The following RBPJ variants were observed in gnomAD, a reference collection of about 807,000 sequenced individuals.
The protein encoded by RBPJ is recombining binding protein suppressor of hairless.
A neutral mutation model predicts 67.8 loss-of-function variants in RBPJ; 9 were observed. The ratio of observed to expected loss-of-function variants is 0.13; its 90% CI spans 0.08 to 0.23. The LOEUF (loss-of-function observed/expected upper bound fraction) is 0.23, where lower values mean the gene tolerates loss of function less well. RBPJ is among the 10% of genes least tolerant of loss of function. RBPJ has a pLI of 1.00. For synonymous variants in RBPJ, 198 were observed against 203.3 expected (o/e 0.97, Z 0.22); for missense variants, 305 against 595.6 (o/e 0.51, Z 5.08).
intron 1 of RBPJ, among the ~76,000 whole-genome samples, chr4:26,244,121 A>C (rs1443219230): frequency 6.7e-6 from 1 of 149,206 alleles, no homozygotes; most frequent in African/African-American, 2.5e-5. Flanking sequence ...AGAAAAAGAA[A>C]CTTTAAAATG....
chr4:26,320,889 C>T, upstream of RBPJ: 1 of 1,577,362 alleles, frequency 6.3e-7, no homozygotes, highest in Non-Finnish European at 8.6e-7. Context: ...CTCTTCGCGG[C>T]GGCGGCGAGG....
At chr4:26,160,169 C>T (rs974756913), upstream of RBPJ, among the ~76,000 whole-genome samples, 17 of 152,182 alleles carry the variant, frequency 1.1e-4, no homozygotes, top group African/African-American at 3.4e-4. Context: ...CTGCCCGCCT[C>T]GGCCTCCCAA....
At chr4:26,141,774 C>T in the RBPJ span, among the ~76,000 whole-genome samples, 1 of 152,152 alleles carries the variant, frequency 6.6e-6, no homozygotes, top group Non-Finnish European at 1.5e-5. Flanking sequence ...ATTTTGCGTT[C>T]ATTCACCAAC....
intron 2 of RBPJ, among the ~76,000 whole-genome samples, chr4:26,400,271 A>G (rs1338089893): frequency 6.6e-6 from 1 of 152,098 alleles, no homozygotes; most frequent in Admixed American, 6.6e-5. Context: ...CTTTCTTGAC[A>G]TTTGGCACCA....
chr4:26,259,555 C>T (rs113280470), intron 1 of RBPJ, among the ~76,000 whole-genome samples: 265 of 152,306 alleles, frequency 1.7e-3, no homozygotes, highest in South Asian at 0.011. Flanking sequence ...AGAAATGCTG[C>T]GGGATCTCAA....
At chr4:26,175,716 T>C (rs1438905692) in intron 1 of RBPJ, among the ~76,000 whole-genome samples, 1 of 152,210 alleles carries the variant, frequency 6.6e-6, no homozygotes, top group Non-Finnish European at 1.5e-5. Flanking sequence ...ACACAGCGTA[T>C]TCAAGCACAC....
chr4:26,127,088 G>A, the RBPJ span, among the ~76,000 whole-genome samples: 40,329 of 152,010 alleles, frequency 0.27, 5,736 homozygotes, highest in Non-Finnish European at 0.31. Context: ...CCCTGGGAAG[G>A]GTGCATGATC....
At chr4:26,192,755 G>T (rs1222627899) in intron 1 of RBPJ, among the ~76,000 whole-genome samples, 1 of 152,138 alleles carries the variant, frequency 6.6e-6, no homozygotes, top group Non-Finnish European at 1.5e-5. Context: ...TGCCATGTAA[G>T]CCCATTTCTT....
chr4:26,242,962 C>A (rs1027991089), intron 1 of RBPJ, among the ~76,000 whole-genome samples: 2 of 152,156 alleles, frequency 1.3e-5, no homozygotes, highest in Non-Finnish European at 2.9e-5. Context: ...CGCGGTGGCT[C>A]ATGCCTGTAA....
chr4:26,381,368 A>G (rs192053639), intron 1 of RBPJ, among the ~76,000 whole-genome samples: 1 of 152,138 alleles, frequency 6.6e-6, no homozygotes, highest in East Asian at 1.9e-4. Flanking sequence ...GGATTGGAGG[A>G]TATGTGGGAA....
the RBPJ span, among the ~76,000 whole-genome samples, chr4:26,152,409 C>T: frequency 2.6e-5 from 4 of 152,222 alleles, no homozygotes; most frequent in Non-Finnish European, 4.4e-5. Context: ...GCCACTGATG[C>T]TTTCAGATTG....
intron 1 of RBPJ, among the ~76,000 whole-genome samples, chr4:26,252,508 C>T (rs1720148214): frequency 6.6e-6 from 1 of 152,066 alleles, no homozygotes; most frequent in South Asian, 2.1e-4. Flanking sequence ...ATCGCCTGAG[C>T]CTCAGAGGTC....
chr4:26,418,874 G>A (rs540223780), intron 4 of RBPJ, among the ~76,000 whole-genome samples: 9 of 152,282 alleles, frequency 5.9e-5, no homozygotes, highest in Admixed American at 2.6e-4. Flanking sequence ...TTAAGAGTAT[G>A]GCCGACCTAT....
At chr4:26,380,333 G>C (rs926103518) in intron 1 of RBPJ, among the ~76,000 whole-genome samples, 1 of 152,138 alleles carries the variant, frequency 6.6e-6, no homozygotes, top group African/African-American at 2.4e-5. Context: ...GGTCCATAAG[G>C]AGATAGATTT....
intron 1 of RBPJ, among the ~76,000 whole-genome samples, chr4:26,271,093 A>T (rs1560238335): frequency 6.6e-6 from 1 of 151,984 alleles, no homozygotes; most frequent in Non-Finnish European, 1.5e-5. Context: ...TGCTTTAGAG[A>T]TGGGGTCTCA....
intron 1 of RBPJ, among the ~76,000 whole-genome samples, chr4:26,331,048 A>G (rs1018889212): frequency 6.6e-6 from 1 of 152,156 alleles, no homozygotes; most frequent in Non-Finnish European, 1.5e-5. Context: ...AATGGCTGAG[A>G]CACATTCAGT....
Position 26,246,399 on chromosome 4 carries a change from T to A in RBPJ, c.-167+82785T>A, listed in dbSNP as rs543915415. Among the ~76,000 whole-genome samples the A allele has an allele frequency of 1.6e-4, 25 of 152,336 alleles. 1 individual carries two copies. The highest frequency in any genetic ancestry group is 6.8e-3 in the Middle Eastern group (2 of 294). ...TAGAAATTTGACTTTGGTATATTGA[T>A]CCCCATAACATTTAAGAATGTAAGG... is the stretch of plus-strand genomic sequence containing the variant. On this transcript the variant is annotated intron_variant, in intron 1 of 4. Coordinates refer to the RBPJ transcript ENST00000512351.
At chr4:26,377,429 A>C (rs1729868182) in intron 1 of RBPJ, among the ~76,000 whole-genome samples, 5 of 152,168 alleles carry the variant, frequency 3.3e-5, no homozygotes, top group South Asian at 4.1e-4. Flanking sequence ...CCTCTCCCAA[A>C]GATTTATCTT....
chr4:26,272,893 T>C (rs1170709494), intron 1 of RBPJ: 9 of 249,478 alleles, frequency 3.6e-5, no homozygotes, highest in Non-Finnish European at 7.4e-5. Flanking sequence ...AACAGGGAAC[T>C]CTGCAACTCT....
Sources: allele counts gnomAD v4.1 joint callset (sites outside exome capture counted in the v4.1 genomes callset), GRCh38; gene constraint gnomAD v4.1.1; transcripts MANE v1.5; gene names NCBI Gene and HGNC (gene_info 2026-07-23, HGNC 2026-07-21).